ANXA11: variants seen among roughly 807,000 people sequenced by gnomAD.
The protein encoded by ANXA11 is 56 kDa autoantigen.
Under a neutral mutation model 64.7 loss-of-function variants are expected in ANXA11, and 57 were observed. The observed-to-expected ratio is 0.88, with a 90% CI of 0.71 to 1.10. The LOEUF (loss-of-function observed/expected upper bound fraction) is 1.10, where lower values mean the gene tolerates loss of function less well. ANXA11 is among the 50% of genes least tolerant of loss of function. ANXA11 has a pLI of 0.00. For synonymous variants in ANXA11, 260 were observed against 265.2 expected (o/e 0.98, Z 0.19); for missense variants, 675 against 670.7 (o/e 1.01, Z -0.07).
chr10:80,173,011 A>C, intron 2 of ANXA11, 142 bp from the exon 3 acceptor site: 2 of 685,784 alleles, frequency 2.9e-6, no homozygotes, highest in Admixed American at 5.1e-5. Flanking sequence ...CTTGTCGCAG[A>C]CCAGTTCACT....
At chr10:80,190,630 C>T (rs1344005509) in intron 1 of ANXA11, among the ~76,000 whole-genome samples, 4 of 151,348 alleles carry the variant, frequency 2.6e-5, no homozygotes, top group Admixed American at 6.6e-5. Flanking sequence ...GGATCACAGG[C>T]GCCCGCCACC....
At chr10:80,156,301 C>T in intron 15 of ANXA11, 1 of 407,284 alleles carries the variant, frequency 2.5e-6, no homozygotes. Flanking sequence ...AATCTCCTCA[C>T]ACATGACTGT....
At chr10:80,170,720 C>G (rs1845935550) in intron 4 of ANXA11, 80 bp downstream of exon 4, 2 of 1,148,490 alleles carry the variant, frequency 1.7e-6, no homozygotes, top group East Asian at 5.6e-5. Context: ...AACTCTGGAG[C>G]CCCAGAGGCC....
At chr10:80,171,061 A>G (rs1256191800) in intron 3 of ANXA11, 146 bp from the exon 4 acceptor site, 3 of 1,522,780 alleles carry the variant, frequency 2.0e-6, no homozygotes, top group Non-Finnish European at 2.6e-6. Flanking sequence ...CCACATGAAA[A>G]CACCAGGAGG....
At chr10:80,163,665 GC>G in intron 9 of ANXA11, 52 bp from the exon 10 acceptor site, 2 of 1,469,714 alleles carry the variant, frequency 1.4e-6, no homozygotes, top group Non-Finnish European at 1.9e-6. Flanking sequence ...TTATGGAGCT[GC>G]CCATTGCAAA....
At chr10:80,170,977 A>C (rs1329130689) in intron 3 of ANXA11, 62 bp from the exon 4 acceptor site, 1 of 1,538,480 alleles carries the variant, frequency 6.5e-7, no homozygotes, top group African/African-American at 1.4e-5. Context: ...GGAAAGGCAG[A>C]GATGAGAGCT....
At position 80,166,842 on chromosome 10, in the gene ANXA11, G is replaced by A. The variant is rs1014164832; in HGVS notation, c.744+48C>T. Reference sequence around the variant, plus strand: ...AAGCAGGGGAGAGCAGGGCTGTGCTGAGCCCAGGACACGCCTCACTGTCCC... The same window carrying A: ...AAGCAGGGGAGAGCAGGGCTGTGCTAAGCCCAGGACACGCCTCACTGTCCC... On this transcript the variant is annotated intron_variant, in intron 7 of 15. Coordinates refer to ENST00000422982, the MANE Select transcript of ANXA11 (RefSeq NM_145868.2). The A allele has an allele frequency of 4.2e-6, 6 of 1,419,148 alleles. No individual in the cohort carries two copies. In the South Asian group the frequency reaches 6.1e-5, roughly 14 times the overall value. 87.9% of individuals were successfully genotyped at this position (1,419,148 alleles called of 1,614,324 possible).
intron 1 of ANXA11, among the ~76,000 whole-genome samples, chr10:80,204,181 A>G (rs1468644685): frequency 1.3e-5 from 2 of 152,268 alleles, no homozygotes; most frequent in African/African-American, 4.8e-5. Flanking sequence ...CAAGGTATGC[A>G]GGAGCCTGAA....
At position 80,159,139 on chromosome 10, in the gene ANXA11, C is replaced by T; in HGVS notation, c.1237G>A (p.Glu413Lys). The change falls in exon 13 of 16, where the codon GAG (glutamate) becomes AAG (lysine). Residue 413 changes from glutamate (E) to lysine (K), a missense_variant. Physicochemically the swap from Glu to Lys is moderately conservative, Grantham distance 56. Transcript: ENST00000422982. ...CCCTCCTCCAGGTCCCCGGACATCT[C>T]CCGGCAGATGCTCTTCTCAATGTCC... is the stretch of plus-strand genomic sequence containing the variant. ...GRDIEKSICR[E>K]MSGDLEEGML... The T allele has an allele frequency of 1.2e-6, 2 of 1,614,136 alleles. No individual in the cohort carries two copies. Among genetic ancestry groups the T allele is most frequent in the Middle Eastern group, 3.3e-4 (2 of 6,060 alleles).
intron 1 of ANXA11, among the ~76,000 whole-genome samples, chr10:80,201,440 G>A (rs575570554): frequency 1.0e-3 from 159 of 152,194 alleles, no homozygotes; most frequent in African/African-American, 3.5e-3. Flanking sequence ...TAGCCAAGAC[G>A]CCTCCTGAGC....
At chr10:80,188,121 C>A (rs554815059) in intron 1 of ANXA11, among the ~76,000 whole-genome samples, 1 of 151,976 alleles carries the variant, frequency 6.6e-6, no homozygotes, top group Non-Finnish European at 1.5e-5. Context: ...GCTTCTACCA[C>A]CCCCAATTAC....
intron 13 of ANXA11, 107 bp downstream of exon 13, chr10:80,158,993 T>G (rs1845396076): frequency 1.2e-6 from 1 of 808,396 alleles, no homozygotes; most frequent in East Asian, 2.5e-5. Context: ...TTGGATCCTG[T>G]GGTCCCTTCA....
At chr10:80,169,472 A>G in intron 4 of ANXA11, 114 bp from the exon 5 acceptor site, 1 of 1,255,084 alleles carries the variant, frequency 8.0e-7, no homozygotes, top group Non-Finnish European at 1.1e-6. Context: ...CTTGTGGAAT[A>G]TGAAGTACCG....
In ANXA11 at chr10:80,172,837, G is replaced by A. The variant is rs768974541; in HGVS notation, c.25C>T (p.Pro9Ser). The A allele has an allele frequency of 4.3e-6, 7 of 1,613,888 alleles. No individual in the cohort carries two copies. The Admixed American group carries it at 1.0e-4, about 23-fold the overall frequency. Residue 9 changes from proline (P) to serine (S), a missense_variant, in exon 3 of 16, where the codon CCC becomes TCC. Pro to Ser is a moderately conservative substitution (Grantham distance 74). Coordinates refer to ENST00000422982, the MANE Select transcript of ANXA11 (RefSeq NM_145868.2). ...GCAGCTGGTGGGTAGCCACCTGGGG[G>A]CGGGGGATAGCCAGGGTAGCTCATG... Reference protein sequence around the residue: MSYPGYPPPPGGYPPAAPG... With the variant: MSYPGYPPSPGGYPPAAPG...
Position 80,157,777 on chromosome 10 carries a change from A to G in ANXA11, c.1336-14T>C, listed in dbSNP as rs1290636138. On this transcript the variant is annotated splice_polypyrimidine_tract_variant and intron_variant, in intron 14 of 15. Coordinates refer to ENST00000422982, the MANE Select transcript of ANXA11 (RefSeq NM_145868.2). Reference sequence around the variant, plus strand: ...TGTTCCTGCCCCCTAAAGAGAGTCCACCCAAGAGCATGAGCACCAGGCCTC... The same window carrying G: ...TGTTCCTGCCCCCTAAAGAGAGTCCGCCCAAGAGCATGAGCACCAGGCCTC... 4 of 1,608,772 alleles carry G rather than the reference A, an allele frequency of 2.5e-6. No homozygotes were observed. In the Admixed American group the frequency reaches 6.7e-5, roughly 27 times the overall value.
intron 15 of ANXA11, chr10:80,157,169 TCA>T (rs1845307259): frequency 2.0e-6 from 2 of 978,414 alleles, no homozygotes; most frequent in African/African-American, 3.5e-5. Context: ...CCATTCAAGG[TCA>T]CACAGTTAGC....
At chr10:80,166,642 G>A in intron 7 of ANXA11, 2 of 550,940 alleles carry the variant, frequency 3.6e-6, no homozygotes, top group South Asian at 4.2e-5. Flanking sequence ...CAACCTCAGT[G>A]AGATGTGGCA....
intron 8 of ANXA11, among the ~76,000 whole-genome samples, chr10:80,165,519 G>A (rs149857235): frequency 1.2e-4 from 18 of 152,292 alleles, no homozygotes; most frequent in Non-Finnish European, 2.4e-4. Flanking sequence ...TAGTTATGCG[G>A]AGAGTGGTCG....
intron 15 of ANXA11, 65 bp downstream of exon 15, chr10:80,157,576 A>C: frequency 6.3e-7 from 1 of 1,577,858 alleles, no homozygotes; most frequent in East Asian, 2.3e-5. Flanking sequence ...CACTCCAAGG[A>C]GGGAGGTTCC....
Sources: gnomAD v4.1 joint callset for allele counts (sites outside exome capture counted in the v4.1 genomes callset) on GRCh38, gnomAD v4.1.1 for gene constraint, MANE v1.5 for transcripts, NCBI Gene and HGNC (gene_info 2026-07-23, HGNC 2026-07-21) for gene names.